GFRAL: variants seen among roughly 807,000 people sequenced by gnomAD.
GFRAL encodes GDNF family receptor alpha-like.
GFRAL carries 36 observed loss-of-function variants against 45.4 expected under a neutral mutation model. The observed-to-expected ratio is 0.79, with a 90% CI of 0.61 to 1.05. The LOEUF (loss-of-function observed/expected upper bound fraction) is 1.05. Among genes scored for constraint, GFRAL ranks in the 50% least tolerant of loss-of-function variants. The pLI is 0.00. For synonymous variants in GFRAL, 166 were observed against 154.1 expected (o/e 1.08, Z -0.57); for missense variants, 507 against 467.5 (o/e 1.08, Z -0.78).
chr6:55,359,237 CCAGCA>C, intron 6 of GFRAL, 99 bp downstream of exon 6: 1 of 916,956 alleles, frequency 1.1e-6, no homozygotes, highest in African/African-American at 1.7e-5. Flanking sequence ...AAGAGGTAAT[CCAGCA>C]CAGACATTTT....
intron 6 of GFRAL, among the ~76,000 whole-genome samples, chr6:55,371,452 TCCTATAACATCTAGGA>T (rs1184686834): frequency 6.6e-6 from 1 of 152,000 alleles, no homozygotes; most frequent in Admixed American, 6.6e-5. Flanking sequence ...CCCCACCACT[TCCTATAACATCTAGGA>T]CCTACAGAAA....
rs1408935893 is a variant in GFRAL at position 55,350,091 on chromosome 6, G to C, written c.317-1G>C. On this transcript the variant is annotated splice_acceptor_variant, in intron 3 of 8. Coordinates refer to ENST00000340465, the MANE Select transcript of GFRAL (RefSeq NM_207410.2). LOFTEE classifies it high-confidence loss of function. ...AAATAATTTCTTTGTTTTCCTTCTA[G>C]ATAACGTGAAAGAGGATAAATTCAA... 6.6e-7 allele frequency: 1 copy of C among 1,505,204 alleles called. No homozygotes were observed. The highest frequency in any genetic ancestry group is 9.2e-7 in the Non-Finnish European group (1 of 1,083,720). The allele number at this position is 1,505,204 out of a possible 1,614,324, so 93.2% of individuals were successfully genotyped here. A position where few individuals can be genotyped will look rare whatever the true frequency, so the allele number is the denominator to read the frequency against.
At chr6:55,392,520 A>G (rs759934675) in intron 6 of GFRAL, among the ~76,000 whole-genome samples, 5 of 152,182 alleles carry the variant, frequency 3.3e-5, no homozygotes, top group African/African-American at 7.2e-5. Context: ...TAAATTCTCC[A>G]TATCTCATGG....
At chr6:55,337,240 TTG>T (rs1767903182) in intron 3 of GFRAL, among the ~76,000 whole-genome samples, 1 of 152,156 alleles carries the variant, frequency 6.6e-6, no homozygotes, top group African/African-American at 2.4e-5. Flanking sequence ...TTTTTTACTG[TTG>T]TTCCAGCCCT....
intron 6 of GFRAL, among the ~76,000 whole-genome samples, chr6:55,379,077 AG>A (rs796762587): frequency 5.3e-5 from 8 of 152,192 alleles, no homozygotes; most frequent in African/African-American, 1.9e-4. Context: ...TACCAACCTG[AG>A]AGCTTGAATG....
chr6:55,363,500 A>T (rs997179129), intron 6 of GFRAL, among the ~76,000 whole-genome samples: 5 of 150,742 alleles, frequency 3.3e-5, no homozygotes, highest in African/African-American at 1.2e-4. Flanking sequence ...GGTTAGTTAC[A>T]TATGTATACA....
chr6:55,363,122 CAT>C (rs1768299810), intron 6 of GFRAL, among the ~76,000 whole-genome samples: 1 of 85,934 alleles, frequency 1.2e-5, no homozygotes, highest in Admixed American at 1.2e-4. Flanking sequence ...AGATGGAAAA[CAT>C]AGCAATACAA....
At chr6:55,399,079 G>A in intron 6 of GFRAL, 101 bp from the exon 7 acceptor site, 1 of 578,924 alleles carries the variant, frequency 1.7e-6, no homozygotes, top group Non-Finnish European at 3.0e-6. Context: ...ATAATGTAAT[G>A]GAAATAAATT....
At chr6:55,387,929 A>C (rs900245789) in intron 6 of GFRAL, among the ~76,000 whole-genome samples, 7 of 152,224 alleles carry the variant, frequency 4.6e-5, no homozygotes, top group African/African-American at 1.7e-4. Context: ...TGTACAAATC[A>C]TTAGTAAACA....
intron 6 of GFRAL, among the ~76,000 whole-genome samples, chr6:55,397,726 C>G (rs1227682809): frequency 6.6e-6 from 1 of 152,090 alleles, no homozygotes. Context: ...GTGCTCAAAT[C>G]TTGGCTCCCA....
intron 6 of GFRAL, among the ~76,000 whole-genome samples, chr6:55,392,530 G>C (rs1768767064): frequency 6.6e-6 from 1 of 152,100 alleles, no homozygotes; most frequent in East Asian, 1.9e-4. Flanking sequence ...ATATCTCATG[G>C]GGACATGTTG....
chr6:55,369,440 TTCCTATTC>T (rs1183139000), intron 6 of GFRAL, among the ~76,000 whole-genome samples: 10 of 152,250 alleles, frequency 6.6e-5, no homozygotes, highest in African/African-American at 1.2e-4. Context: ...ACCGGAGCTG[TTCCTATTC>T]GGCCATCTTG....
rs1768901587 is a variant in GFRAL at position 55,401,820 on chromosome 6, T to A, written c.1152T>A (p.Asp384Glu). 1 of 1,552,004 alleles carries A rather than the reference T, an allele frequency of 6.4e-7. No individual in the cohort carries two copies. The highest frequency in any genetic ancestry group is 8.9e-7 in the Non-Finnish European group (1 of 1,123,030). Residue 384 changes from aspartate (D) to glutamate (E), a missense_variant, in exon 9 of 9, where the codon GAT becomes GAA. By Grantham distance (45) the Asp-to-Glu change is conservative (BLOSUM62 2). Transcript: ENST00000340465. The part of the protein sequence containing the change: ...RTSRISSKAR[D>E]PSSIQIPGEL ...CCAGAATATCAAGTAAAGCAAGAGA[T>A]CCTTCATCGATCCAAATACCTGGAG...
intron 3 of GFRAL, among the ~76,000 whole-genome samples, chr6:55,344,306 C>T (rs982400702): frequency 7.9e-5 from 12 of 152,146 alleles, no homozygotes; most frequent in African/African-American, 2.2e-4. Context: ...ACTGGCAAAC[C>T]GAATCCAGCA....
At chr6:55,380,339 C>T (rs1346122346) in intron 6 of GFRAL, among the ~76,000 whole-genome samples, 2 of 151,882 alleles carry the variant, frequency 1.3e-5, no homozygotes, top group African/African-American at 4.8e-5. Context: ...GAAACATGGT[C>T]ACAAAGACAA....
At chr6:55,370,778 C>T (rs1768439812) in intron 6 of GFRAL, among the ~76,000 whole-genome samples, 2 of 152,184 alleles carry the variant, frequency 1.3e-5, no homozygotes, top group Admixed American at 6.5e-5. Flanking sequence ...AGAAGAATCC[C>T]AGATCTGGGG....
intron 6 of GFRAL, among the ~76,000 whole-genome samples, chr6:55,395,175 A>AAAAAAAATATATATAT: frequency 8.1e-6 from 1 of 123,486 alleles, no homozygotes. Flanking sequence ...AAAAAAAAAA[A>AAAAAAAATATATATAT]ATATATATAT....
intron 6 of GFRAL, among the ~76,000 whole-genome samples, chr6:55,395,791 A>G (rs961554289): frequency 6.6e-6 from 1 of 151,582 alleles, no homozygotes; most frequent in East Asian, 1.9e-4. Context: ...GAAAAAAAAA[A>G]AAAAGAAAAA....
chr6:55,398,738 G>A (rs973381514), intron 6 of GFRAL, among the ~76,000 whole-genome samples: 7 of 152,068 alleles, frequency 4.6e-5, no homozygotes, highest in Non-Finnish European at 7.4e-5. Flanking sequence ...AGAAACTGAA[G>A]TTTTAGCTAA....
Sources: gnomAD v4.1 joint callset for allele counts (sites outside exome capture counted in the v4.1 genomes callset) on GRCh38, gnomAD v4.1.1 for gene constraint, MANE v1.5 for transcripts, NCBI Gene and HGNC (gene_info 2026-07-23, HGNC 2026-07-21) for gene names.